The following INTS8 variants were observed in gnomAD, a reference collection of about 807,000 sequenced individuals.
INTS8 encodes integrator complex subunit 8.
INTS8 carries 47 observed loss-of-function variants against 138.9 expected under a neutral mutation model. The ratio of observed to expected loss-of-function variants is 0.34; its 90% CI spans 0.27 to 0.43. The LOEUF is 0.43. Ranked by LOEUF, INTS8 falls within the 20% of genes least tolerant of loss-of-function variation. The pLI is 1.00. For synonymous variants in INTS8, 392 were observed against 400.9 expected, an observed-to-expected ratio of 0.98 and a Z score of 0.27; for missense variants, 996 against 1,173.0, an observed-to-expected ratio of 0.85 and a Z score of 2.20.
At chr8:94,866,973 C>A (rs112101177) in intron 18 of INTS8, 167 bp from the exon 19 acceptor site, 146 of 563,838 alleles carry the variant, frequency 2.6e-4, no homozygotes, top group Admixed American at 5.7e-4. Flanking sequence ...CCCCCACATG[C>A]GATTAAAAAG....
At chr8:94,839,180 C>G (rs1047390197) in intron 8 of INTS8, among the ~76,000 whole-genome samples, 6 of 141,956 alleles carry the variant, frequency 4.2e-5, no homozygotes, top group Middle Eastern at 3.2e-3. Flanking sequence ...AGAAACAGAG[C>G]CCACCTGCTC....
chr8:94,839,997 G>A (rs1815073838), intron 8 of INTS8, among the ~76,000 whole-genome samples: 1 of 152,232 alleles, frequency 6.6e-6, no homozygotes, highest in South Asian at 2.1e-4. Context: ...ACATGTTACT[G>A]TGACTGTAAT....
At chr8:94,826,699 GAAGT>G (rs1017731807) in intron 2 of INTS8, among the ~76,000 whole-genome samples, 10 of 152,190 alleles carry the variant, frequency 6.6e-5, no homozygotes, top group African/African-American at 2.4e-4. Context: ...GAATAGAGAT[GAAGT>G]AAGATTGGCC....
In INTS8 at chr8:94,842,349, A is replaced by G; in HGVS notation, c.1121A>G (p.Asn374Ser). The change falls in exon 10 of 27, where the codon AAT (asparagine) becomes AGT (serine). Residue 374 changes from asparagine (N) to serine (S), a missense_variant and splice_region_variant. Asn to Ser is a conservative substitution (Grantham distance 46). Transcript: ENST00000523731. ...TGATCTACTTTTGTATTCTACAGAA[A>G]TGAAGCTCTAGATGAAATCTGTTTT... ...RELFKKAQQG[N>S]EALDEICFKV... The G allele has an allele frequency of 1.3e-6, 2 of 1,575,034 alleles. No individual in the cohort carries two copies. Among genetic ancestry groups the G allele is most frequent in the Non-Finnish European group, 1.7e-6 (2 of 1,155,218 alleles).
intron 15 of INTS8, among the ~76,000 whole-genome samples, chr8:94,858,135 C>T (rs1043135904): frequency 6.6e-6 from 1 of 152,092 alleles, no homozygotes; most frequent in Admixed American, 6.5e-5. Flanking sequence ...TAGTTAAAGC[C>T]GTTTCTTATT....
chr8:94,873,320 T>C (rs1816463250), intron 21 of INTS8, 54 bp from the exon 22 acceptor site: 1 of 1,170,198 alleles, frequency 8.5e-7, no homozygotes. Context: ...TACAAAGGAA[T>C]CCCTGTTTTT....
chr8:94,846,662 C>G (rs866863339), intron 10 of INTS8, among the ~76,000 whole-genome samples: 1 of 152,218 alleles, frequency 6.6e-6, no homozygotes, highest in Non-Finnish European at 1.5e-5. Context: ...GTCTCACTCC[C>G]AGTCTCAGAA....
intron 13 of INTS8, among the ~76,000 whole-genome samples, chr8:94,852,174 C>T (rs888521281): frequency 6.6e-6 from 1 of 152,086 alleles, no homozygotes; most frequent in Non-Finnish European, 1.5e-5. Context: ...AACTCCTGAC[C>T]ACCAGTGATC....
intron 18 of INTS8, chr8:94,866,425 T>C (rs951903747): frequency 1.2e-5 from 6 of 490,156 alleles, no homozygotes; most frequent in Non-Finnish European, 1.9e-5. Context: ...TCTGAGGAAC[T>C]GGGACTACAG....
At chr8:94,857,892 A>C (rs16917093) in intron 15 of INTS8, among the ~76,000 whole-genome samples, 26,098 of 152,222 alleles carry the variant, frequency 0.17, 2,360 homozygotes, top group Middle Eastern at 0.27. Context: ...TAGAGAAACT[A>C]TATTGCAATG....
chr8:94,840,427 A>C (rs1329328625), intron 8 of INTS8, among the ~76,000 whole-genome samples: 2 of 152,074 alleles, frequency 1.3e-5, no homozygotes, highest in African/African-American at 4.8e-5. Context: ...TCCATTCTTG[A>C]GAAGTAGCTA....
intron 5 of INTS8, among the ~76,000 whole-genome samples, chr8:94,831,726 C>G (rs1489189829): frequency 6.6e-6 from 1 of 151,110 alleles, no homozygotes; most frequent in African/African-American, 2.4e-5. Context: ...GTGATCTGCC[C>G]GCCTCGGCCT....
chr8:94,859,358 C>T (rs1361315974), intron 15 of INTS8, among the ~76,000 whole-genome samples, 153 bp from the exon 16 acceptor site: 1 of 151,888 alleles, frequency 6.6e-6, no homozygotes, highest in East Asian at 2.0e-4. Context: ...AAGTGATCCT[C>T]CTGCCTTGGC....
intron 8 of INTS8, among the ~76,000 whole-genome samples, chr8:94,839,140 A>C (rs1258119450): frequency 6.6e-6 from 1 of 152,204 alleles, no homozygotes; most frequent in African/African-American, 2.4e-5. Flanking sequence ...TGAACACGGC[A>C]GTTGTTCTGG....
chr8:94,829,812 C>T (rs556144705), intron 5 of INTS8, among the ~76,000 whole-genome samples: 1 of 152,224 alleles, frequency 6.6e-6, no homozygotes, highest in South Asian at 2.1e-4. Context: ...TTACAGGTGA[C>T]GTCTTTATAT....
At chr8:94,870,203 C>T (rs1816346870) in intron 20 of INTS8, among the ~76,000 whole-genome samples, 1 of 152,072 alleles carries the variant, frequency 6.6e-6, no homozygotes. Flanking sequence ...AGGCGCCCAC[C>T]ACCATGCCTG....
At chr8:94,827,148 C>G in intron 2 of INTS8, 115 bp from the exon 3 acceptor site, 1 of 904,250 alleles carries the variant, frequency 1.1e-6, no homozygotes, top group Non-Finnish European at 1.7e-6. Flanking sequence ...TAGCTAAACC[C>G]AGAGATGTGG....
intron 21 of INTS8, among the ~76,000 whole-genome samples, chr8:94,873,016 C>A (rs1445049212): frequency 6.6e-6 from 1 of 152,140 alleles, no homozygotes; most frequent in African/African-American, 2.4e-5. Flanking sequence ...TATTTTGATG[C>A]AAATGCTGAT....
chr8:94,836,171 T>C (rs3133462), intron 6 of INTS8, among the ~76,000 whole-genome samples: 130,151 of 152,188 alleles, frequency 0.86, 56,086 homozygotes, highest in African/African-American at 0.96. Context: ...CGGGTGGCTA[T>C]GGGTGACAGG....
Sources: gnomAD v4.1 joint callset for allele counts (sites outside exome capture counted in the v4.1 genomes callset) on GRCh38, gnomAD v4.1.1 for gene constraint, MANE v1.5 for transcripts, NCBI Gene and HGNC (gene_info 2026-07-23, HGNC 2026-07-21) for gene names.